The following RUSC1 variants were observed in gnomAD, a reference collection of about 807,000 sequenced individuals.
RUSC1 encodes the protein RUN and SH3 domain containing 1.
RUSC1 carries 40 observed loss-of-function variants against 72.1 expected under a neutral mutation model. The ratio of observed to expected loss-of-function variants is 0.55; its 90% CI spans 0.43 to 0.72. The LOEUF (loss-of-function observed/expected upper bound fraction) is 0.72, where lower values mean the gene tolerates loss of function less well. Among genes scored for constraint, RUSC1 ranks in the 30% least tolerant of loss-of-function variants. The pLI is 0.00. For synonymous variants in RUSC1, 512 were observed against 494.2 expected (o/e 1.04, Z -0.48); for missense variants, 1,092 against 1,172.3 (o/e 0.93, Z 1.00).
Position 155,326,792 on chromosome 1 carries a change from A to G in RUSC1, c.2074A>G (p.Met692Val), listed in dbSNP as rs1470444896. 2 of 1,613,088 alleles carry G rather than the reference A, an allele frequency of 1.2e-6. No individual in the cohort carries two copies. The highest frequency in any genetic ancestry group is 1.3e-5 in the African/African-American group (1 of 75,056). The change falls in exon 8 of 10, where the codon ATG becomes GTG. Residue 692 changes from methionine to valine, a missense_variant. Transcript: ENST00000368352. The surrounding 1 kb of genome is among the most constrained non-coding windows in gnomAD (Gnocchi z 4.7). Reference protein sequence around the residue: ...PGPPPALQQTMQAMLHFGGRL... With the variant: ...PGPPPALQQTVQAMLHFGGRL... Reference sequence around the variant, plus strand: ...CCCACCTCCAGCTCTGCAGCAGACTATGCAAGCCATGCTGCACTTTGGGGG... The same window carrying G: ...CCCACCTCCAGCTCTGCAGCAGACTGTGCAAGCCATGCTGCACTTTGGGGG...
chr1:155,321,352 G>C (rs1391698326), intron 1 of RUSC1: 1 of 1,375,708 alleles, frequency 7.3e-7, no homozygotes, highest in Admixed American at 1.9e-5. Context: ...CTGGGAGTAA[G>C]GGGTAGGCTG....
chr1:155,326,222 G>C lies in RUSC1; in HGVS notation c.1861+312G>C. On this transcript the variant is annotated intron_variant, in intron 7 of 9. Coordinates refer to ENST00000368352, the MANE Select transcript of RUSC1 (RefSeq NM_001105203.2). The surrounding 1 kb of genome is among the most constrained non-coding windows in gnomAD (Gnocchi z 4.7). ...ACCTTCTGCCCCTCCTGCTTCCTCT[G>C]AACTATCATTCATCCTTTGAGTCCT... The C allele has an allele frequency of 1.8e-6, 1 of 549,024 alleles. No homozygotes were observed. The highest frequency in any genetic ancestry group is 3.3e-6 in the Non-Finnish European group (1 of 306,932). 34.0% of individuals were successfully genotyped at this position (549,024 alleles called of 1,614,324 possible).
At chr1:155,328,565 G>A (rs900450395) in intron 9 of RUSC1, among the ~76,000 whole-genome samples, 1 of 151,706 alleles carries the variant, frequency 6.6e-6, no homozygotes, top group Non-Finnish European at 1.5e-5. Context: ...GAGTAGCTGG[G>A]ACTACAGGTG....
rs772174797 is a variant in RUSC1, at chr1:155,322,872, G to T, written c.1099G>T (p.Glu367Ter). The change falls in exon 2 of 10, where the codon GAA becomes TAA. Residue 367 changes from glutamate (E) to a stop codon, truncating the protein, a stop_gained. Coordinates refer to ENST00000368352, the MANE Select transcript of RUSC1 (RefSeq NM_001105203.2). LOFTEE classifies it high-confidence loss of function. ...GGGCGGCTCCTCGGCACCTCCTCGG[G>T]AAGTCACCACCTTCAAGGAACTCCG... ...SPGGSSAPPR[E>*]VTTFKELRSR... The T allele has an allele frequency of 6.2e-7, 1 of 1,612,506 alleles. No individual in the cohort carries two copies. The highest frequency in any genetic ancestry group is 8.5e-7 in the Non-Finnish European group (1 of 1,179,788).
At position 155,324,927 on chromosome 1, in the gene RUSC1, G is replaced by A; in HGVS notation, c.1440G>A (p.Leu480=). 6.2e-7 allele frequency: 1 copy of A among 1,614,232 alleles called. No homozygotes were observed. ...AAGCCCAGAGTGGGACTGGTCAGCT[G>A]CAGGAGCAGAAGAAAGGTAGGGCAC... The part of the protein sequence containing the change: ...MAEAQSGTGQ[L]QEQKKGLLIA... The change falls in exon 3 of 10, where the codon CTG becomes CTA. Residue 480 remains leucine, a synonymous_variant. Coordinates refer to ENST00000368352, the MANE Select transcript of RUSC1 (RefSeq NM_001105203.2).
chr1:155,329,953 G>GAAAA (rs1025418792), intron 9 of RUSC1, among the ~76,000 whole-genome samples: 1 of 45,954 alleles, frequency 2.2e-5, no homozygotes, highest in African/African-American at 6.6e-5. Flanking sequence ...TCTGTCTCAA[G>GAAAA]AAAAAAAAAA....
Position 155,326,287 on chromosome 1 carries a change from AC to A in RUSC1, c.1862-288del. 1.8e-6 allele frequency: 1 copy of A among 542,020 alleles called. No homozygotes were observed. The highest frequency in any genetic ancestry group is 3.3e-6 in the Non-Finnish European group (1 of 304,362). 33.6% of individuals were successfully genotyped at this position (542,020 alleles called of 1,614,324 possible). A position where few individuals can be genotyped will look rare whatever the true frequency, so the allele number is the denominator to read the frequency against. ...CTACCTCTACCCTCGGACTAGGCCA[AC>A]CCCCACGCCTCATTTTGTATGTGCT... On this transcript the variant is annotated intron_variant, in intron 7 of 9. Coordinates refer to ENST00000368352, the MANE Select transcript of RUSC1 (RefSeq NM_001105203.2). This position sits in a 1 kb window ranked among gnomAD's most constrained non-coding sequence, Gnocchi z 4.7.
At chr1:155,321,462 CGCGTTCT>C in intron 1 of RUSC1, 1 of 1,450,694 alleles carries the variant, frequency 6.9e-7, no homozygotes, top group Non-Finnish European at 9.3e-7. Context: ...AGAGCGCAGC[CGCGTTCT>C]CTGACCCTCC....
At chr1:155,329,155 C>T (rs990010037) in intron 9 of RUSC1, among the ~76,000 whole-genome samples, 7 of 152,040 alleles carry the variant, frequency 4.6e-5, no homozygotes, top group South Asian at 2.1e-4. Flanking sequence ...GGCATGATTT[C>T]GGCTCACTGC....
chr1:155,326,041 A>C lies in RUSC1; in HGVS notation c.1861+131A>C. The C allele has an allele frequency of 9.6e-7, 1 of 1,036,798 alleles. No homozygotes were observed. The highest frequency in any genetic ancestry group is 1.5e-6 in the Non-Finnish European group (1 of 679,202). 64.2% of individuals were successfully genotyped at this position (1,036,798 alleles called of 1,614,324 possible). On this transcript the variant is annotated intron_variant, in intron 7 of 9. Coordinates refer to ENST00000368352, the MANE Select transcript of RUSC1 (RefSeq NM_001105203.2). This position sits in a 1 kb window ranked among gnomAD's most constrained non-coding sequence, Gnocchi z 4.7. ...GATCTCCGATCTTATTACTCTTCTAATTAAAACTTTCTAAGGAGGCCCATC... is the reference window on the plus strand; with the variant it reads ...GATCTCCGATCTTATTACTCTTCTACTTAAAACTTTCTAAGGAGGCCCATC...
chr1:155,323,842 C>G, intron 2 of RUSC1: 7 of 889,520 alleles, frequency 7.9e-6, no homozygotes, highest in Non-Finnish European at 9.4e-6. Flanking sequence ...GCCCCGCGGG[C>G]CACGCCTCAG....
chr1:155,326,833 C>T lies in RUSC1; in HGVS notation c.2115C>T (p.Ser705=), dbSNP rs1036530218. Residue 705 remains serine (S), a synonymous_variant, in exon 8 of 10, where the codon AGC becomes AGT. Transcript: ENST00000368352. The surrounding 1 kb of genome is among the most constrained non-coding windows in gnomAD (Gnocchi z 4.7). The part of the protein sequence containing the change: ...MLHFGGRLAQ[S]LRGTSKEAAS... ...ACTTTGGGGGCCGGCTGGCCCAGAGCCTTCGGGGGACTTCCAAGGAAGCTG... is the reference window on the plus strand; with the variant it reads ...ACTTTGGGGGCCGGCTGGCCCAGAGTCTTCGGGGGACTTCCAAGGAAGCTG... 1 of 1,613,600 alleles carries T rather than the reference C, an allele frequency of 6.2e-7. No homozygotes were observed. The highest frequency in any genetic ancestry group is 8.5e-7 in the Non-Finnish European group (1 of 1,180,046).
In RUSC1 at chr1:155,324,946, A is replaced by G; in HGVS notation, c.1456+3A>G. On this transcript the variant is annotated splice_donor_region_variant and intron_variant, in intron 3 of 9. Transcript: ENST00000368352. ...TCAGCTGCAGGAGCAGAAGAAAGGT[A>G]GGGCACCCTGACTCCCGACCCCGCG... 7 of 1,614,122 alleles carry G rather than the reference A, an allele frequency of 4.3e-6. No individual in the cohort carries two copies. The highest frequency in any genetic ancestry group is 5.9e-6 in the Non-Finnish European group (7 of 1,180,002).
In RUSC1 at chr1:155,330,818, T is replaced by C; in HGVS notation, c.*247T>C. On this transcript the variant is annotated 3_prime_UTR_variant, in exon 10 of 10. Coordinates refer to ENST00000368352, the MANE Select transcript of RUSC1 (RefSeq NM_001105203.2). ...GGTAATCCCTTTCCTTTTTCCCGTCTATATAAGGGAATGTCTTCCTTCCTA... is the reference window on the plus strand; with the variant it reads ...GGTAATCCCTTTCCTTTTTCCCGTCCATATAAGGGAATGTCTTCCTTCCTA... 2.5e-6 allele frequency: 1 copy of C among 398,376 alleles called. No homozygotes were observed. The highest frequency in any genetic ancestry group is 4.2e-5 in the Admixed American group (1 of 23,868). 24.7% of individuals were successfully genotyped at this position (398,376 alleles called of 1,614,324 possible).
chr1:155,325,835 G>A lies in RUSC1; in HGVS notation c.1815-29G>A, dbSNP rs1054016180. On this transcript the variant is annotated intron_variant, in intron 6 of 9. Coordinates refer to ENST00000368352, the MANE Select transcript of RUSC1 (RefSeq NM_001105203.2). This position sits in a 1 kb window ranked among gnomAD's most constrained non-coding sequence, Gnocchi z 6.5. ...GAGGACTGGAGTCCTCCACCTCCCT[G>A]AACTTCCATTCCCTCTTTTCTCCCC... 5.0e-6 allele frequency: 8 copies of A among 1,613,782 alleles called. No homozygotes were observed. Among genetic ancestry groups the A allele is most frequent in the Non-Finnish European group, 6.8e-6 (8 of 1,179,806 alleles).
Position 155,325,140 on chromosome 1 carries a change from A to G in RUSC1, c.1495A>G (p.Ile499Val). The G allele has an allele frequency of 6.2e-7, 1 of 1,614,210 alleles. No homozygotes were observed. Among genetic ancestry groups the G allele is most frequent in the Non-Finnish European group, 8.5e-7 (1 of 1,180,044 alleles). Reference protein sequence around the residue: ...IAVSVSVDKIISHFGAARNLV... With the variant: ...IAVSVSVDKIVSHFGAARNLV... ...CGTCAGCGTCTCCGTTGATAAAATC[A>G]TCTCGCATTTCGGGGCCGCCCGGAA... Residue 499 changes from isoleucine (I) to valine (V), a missense_variant, in exon 4 of 10, where the codon ATC (isoleucine) becomes GTC (valine). Transcript: ENST00000368352. This position sits in a 1 kb window ranked among gnomAD's most constrained non-coding sequence, Gnocchi z 6.5.
In RUSC1 at chr1:155,325,800, T is replaced by C; in HGVS notation, c.1815-64T>C. 1 of 1,597,990 alleles carries C rather than the reference T, an allele frequency of 6.3e-7. No individual in the cohort carries two copies. The highest frequency in any genetic ancestry group is 8.6e-7 in the Non-Finnish European group (1 of 1,165,712). Reference sequence around the variant, plus strand: ...CCTCTTCCAATCTCATCTCCCATCCTCCACCCAGAGAGGACTGGAGTCCTC... The same window carrying C: ...CCTCTTCCAATCTCATCTCCCATCCCCCACCCAGAGAGGACTGGAGTCCTC... On this transcript the variant is annotated intron_variant, in intron 6 of 9. Coordinates refer to ENST00000368352, the MANE Select transcript of RUSC1 (RefSeq NM_001105203.2). This position sits in a 1 kb window ranked among gnomAD's most constrained non-coding sequence, Gnocchi z 6.5.
chr1:155,323,867 C>T, intron 2 of RUSC1: 2 of 974,802 alleles, frequency 2.1e-6, no homozygotes. Context: ...GCCGCCCCGC[C>T]CACTCTCGCC....
rs1650564785 is a variant in RUSC1, at chr1:155,321,815, C to T, written c.42C>T (p.His14=). ...GAGCTTTACTCTGCAACCTCAACCA[C>T]ATCCACCTCCAGCACGTCTCCCTGG... ...PQRALLCNLN[H]IHLQHVSLGL... The change falls in exon 2 of 10, where the codon CAC becomes CAT. Residue 14 remains histidine (H), a synonymous_variant. Coordinates refer to ENST00000368352, the MANE Select transcript of RUSC1 (RefSeq NM_001105203.2). 1.9e-6 allele frequency: 3 copies of T among 1,614,040 alleles called. No individual in the cohort carries two copies. The highest frequency in any genetic ancestry group is 8.5e-7 in the Non-Finnish European group (1 of 1,180,034).
Sources: allele counts gnomAD v4.1 joint callset (sites outside exome capture counted in the v4.1 genomes callset), GRCh38; gene constraint gnomAD v4.1.1; non-coding constraint Gnocchi (gnomAD v3.1); transcripts MANE v1.5; gene names NCBI Gene and HGNC (gene_info 2026-07-23, HGNC 2026-07-21).